Variants in GSAP observed in about 807,000 individuals in gnomAD.
GSAP encodes the protein gamma-secretase-activating protein.
In GSAP, 118 loss-of-function variants were observed where a neutral mutation model predicts 131.7. That is an observed-to-expected ratio of 0.90 (90% confidence interval 0.77 to 1.04). The LOEUF (loss-of-function observed/expected upper bound fraction) is 1.04, where lower values mean the gene tolerates loss of function less well. Ranked by LOEUF, GSAP falls within the 50% of genes least tolerant of loss-of-function variation. GSAP has a pLI of 0.00. For synonymous variants in GSAP, 381 were observed against 363.4 expected, an observed-to-expected ratio of 1.05 and a Z score of -0.55; for missense variants, 1,019 against 1,013.2, an observed-to-expected ratio of 1.01 and a Z score of -0.08.
Position 77,352,933 on chromosome 7 carries a change from T to C in GSAP, c.1491+11A>G, listed in dbSNP as rs375329382. On this transcript the variant is annotated intron_variant, in intron 18 of 30. Coordinates refer to ENST00000257626, the MANE Select transcript of GSAP (RefSeq NM_017439.4). ...TTTTATTTGCATACAGCATACACAG[T>C]GTTAACTTACTGTATTCCAAGTGAG... 2 of 1,491,524 alleles carry C rather than the reference T, an allele frequency of 1.3e-6. No individual in the cohort carries two copies. Among genetic ancestry groups the C allele is most frequent in the African/African-American group, 2.8e-5 (2 of 72,684 alleles). 92.4% of individuals were successfully genotyped at this position (1,491,524 alleles called of 1,614,324 possible).
chr7:77,403,621 A>C (rs992478772), intron 3 of GSAP, among the ~76,000 whole-genome samples: 3 of 152,226 alleles, frequency 2.0e-5, no homozygotes, highest in Admixed American at 6.5e-5. Flanking sequence ...AATAATGAGA[A>C]ACAAGACATG....
At chr7:77,365,020 G>A (rs1156835400) in intron 12 of GSAP, among the ~76,000 whole-genome samples, 1 of 152,206 alleles carries the variant, frequency 6.6e-6, no homozygotes, top group Non-Finnish European at 1.5e-5. Context: ...GAGTGCAGTG[G>A]TGCAAACATG....
intron 24 of GSAP, among the ~76,000 whole-genome samples, chr7:77,322,527 G>A (rs1371506412): frequency 1.1e-4 from 16 of 151,280 alleles, no homozygotes; most frequent in African/African-American, 2.9e-4. Context: ...GTAAGATTTC[G>A]AGTCAACAGA....
In GSAP at chr7:77,406,009, A is replaced by G; in HGVS notation, c.186+20T>C. On this transcript the variant is annotated intron_variant, in intron 2 of 30. Transcript: ENST00000257626. ...AGTAAATTTTACATCTTACCACAAT[A>G]AAAAAGAATATAGACATACCTTATA... 1.2e-6 allele frequency: 1 copy of G among 863,426 alleles called. No individual in the cohort carries two copies. Among genetic ancestry groups the G allele is most frequent in the Non-Finnish European group, 1.6e-6 (1 of 613,116 alleles). The allele number at this position is 863,426 out of a possible 1,614,324, so 53.5% of individuals were successfully genotyped here.
chr7:77,359,706 A>G (rs4727364), intron 14 of GSAP, among the ~76,000 whole-genome samples: 49,473 of 152,042 alleles, frequency 0.33, 9,417 homozygotes, highest in African/African-American at 0.53. Flanking sequence ...TCCACACGCT[A>G]AAGACCACAG....
Position 77,404,592 on chromosome 7 carries a change from A to G in GSAP, c.210T>C (p.Phe70=). ...TYKDDKGNVV[F]GLYDCQTRQN... is the part of the protein sequence containing the mutation. ...GTCTGGTTTGACAATCATATAATCCAAAGACGACATTTCCCTTATCATCCT... is the reference window on the plus strand; with the variant it reads ...GTCTGGTTTGACAATCATATAATCCGAAGACGACATTTCCCTTATCATCCT... Residue 70 remains phenylalanine, a synonymous_variant, in exon 3 of 31, where the codon TTT becomes TTC. Transcript: ENST00000257626. The G allele has an allele frequency of 6.4e-7, 1 of 1,556,020 alleles. No homozygotes were observed. The highest frequency in any genetic ancestry group is 8.9e-7 in the Non-Finnish European group (1 of 1,129,098).
chr7:77,340,912 C>A (rs2150756344), intron 19 of GSAP, among the ~76,000 whole-genome samples: 1 of 152,208 alleles, frequency 6.6e-6, no homozygotes, highest in South Asian at 2.1e-4. Context: ...TTGCCTCCTT[C>A]ACTATGGGCA....
chr7:77,333,791 C>T (rs1026326929), intron 19 of GSAP, among the ~76,000 whole-genome samples: 6 of 152,042 alleles, frequency 3.9e-5, no homozygotes, highest in African/African-American at 7.2e-5. Flanking sequence ...TCCCACATAA[C>T]GTTTTAGATG....
chr7:77,369,250 A>G (rs991157619), intron 12 of GSAP, among the ~76,000 whole-genome samples: 4 of 152,242 alleles, frequency 2.6e-5, no homozygotes, highest in African/African-American at 7.2e-5. Flanking sequence ...AGAGTTGACT[A>G]TTAGGTAGGG....
chr7:77,353,669 G>C, intron 16 of GSAP, 28 bp from the exon 17 acceptor site: 1 of 1,465,724 alleles, frequency 6.8e-7, no homozygotes, highest in Non-Finnish European at 9.5e-7. Context: ...GAACTCTGTT[G>C]GTATTTAAAT....
At chr7:77,400,233 G>C (rs1254092104) in intron 3 of GSAP, among the ~76,000 whole-genome samples, 1 of 152,038 alleles carries the variant, frequency 6.6e-6, no homozygotes, top group African/African-American at 2.4e-5. Context: ...ATTCCCAGTG[G>C]TAAACAAGCT....
At chr7:77,353,836 G>T (rs1793262019) in intron 16 of GSAP, 195 bp from the exon 17 acceptor site, 2 of 469,820 alleles carry the variant, frequency 4.3e-6, no homozygotes, top group African/African-American at 4.0e-5. Context: ...TTATAAGTGA[G>T]ATCCTTTTTA....
chr7:77,332,063 G>A (rs997757432), intron 19 of GSAP: 4 of 152,232 alleles, frequency 2.6e-5, no homozygotes, highest in African/African-American at 9.7e-5. Context: ...GTTCAGTTGA[G>A]CTATTAATTC....
intron 19 of GSAP, among the ~76,000 whole-genome samples, chr7:77,348,936 C>CTG (rs143107394): frequency 0.066 from 9,923 of 151,062 alleles, 507 homozygotes; most frequent in African/African-American, 0.14. Flanking sequence ...ACTGGAAATT[C>CTG]TGTGTGTGTG....
intron 13 of GSAP, among the ~76,000 whole-genome samples, chr7:77,361,930 G>T (rs1020091460): frequency 6.6e-6 from 1 of 152,158 alleles, no homozygotes; most frequent in African/African-American, 2.4e-5. Flanking sequence ...GCTTTTAACT[G>T]AAACCCTATT....
intron 1 of GSAP, among the ~76,000 whole-genome samples, chr7:77,408,242 T>A (rs562766110): frequency 6.6e-6 from 1 of 152,232 alleles, no homozygotes; most frequent in African/African-American, 2.4e-5. Flanking sequence ...ACAGACTCTT[T>A]ACACAAAACA....
chr7:77,366,659 T>C (rs1245643495), intron 12 of GSAP, among the ~76,000 whole-genome samples: 2 of 152,204 alleles, frequency 1.3e-5, no homozygotes, highest in Non-Finnish European at 2.9e-5. Context: ...TGAAGTTGGG[T>C]AACATGATAT....
rs377359804 is a variant in GSAP, at chr7:77,326,167, G to A, written c.1827+45C>T. 4.8e-6 allele frequency: 6 copies of A among 1,253,892 alleles called. No individual in the cohort carries two copies. The African/African-American group carries it at 6.0e-5, about 12-fold the overall frequency. 77.7% of individuals were successfully genotyped at this position (1,253,892 alleles called of 1,614,324 possible). Reference sequence around the variant, plus strand: ...ACTGTAATCCTTTCCCCTTGTCTTAGGGTTCCTTGTTTGCCAGCCCCTAAA... The same window carrying A: ...ACTGTAATCCTTTCCCCTTGTCTTAAGGTTCCTTGTTTGCCAGCCCCTAAA... On this transcript the variant is annotated intron_variant, in intron 23 of 30. Coordinates refer to ENST00000257626, the MANE Select transcript of GSAP (RefSeq NM_017439.4).
At chr7:77,407,919 A>C (rs1422271584) in intron 1 of GSAP, among the ~76,000 whole-genome samples, 1 of 152,268 alleles carries the variant, frequency 6.6e-6, no homozygotes, top group Non-Finnish European at 1.5e-5. Context: ...AATAGTACAA[A>C]ACAATGAATT....
Sources: gnomAD v4.1 joint callset for allele counts (sites outside exome capture counted in the v4.1 genomes callset) on GRCh38, gnomAD v4.1.1 for gene constraint, MANE v1.5 for transcripts, NCBI Gene and HGNC (gene_info 2026-07-23, HGNC 2026-07-21) for gene names.